SH2D6: variants seen among roughly 807,000 people sequenced by gnomAD.
SH2D6 encodes the protein SH2 domain containing 6, also known as SH2 domain-containing protein 6.
Under a neutral mutation model 30.2 loss-of-function variants are expected in SH2D6, and 31 were observed. The ratio of observed to expected loss-of-function variants is 1.03; its 90% CI spans 0.77 to 1.38. The LOEUF (loss-of-function observed/expected upper bound fraction) is 1.38. Ranked by LOEUF, SH2D6 falls within the 40% of genes most tolerant of loss-of-function variation. The probability of loss-of-function intolerance (pLI) is 0.00; values close to 1 mark genes in which losing one functional copy is unlikely to be tolerated. For missense variants in SH2D6, 240 were observed against 266.8 expected, an observed-to-expected ratio of 0.90 and a Z score of 0.70; for synonymous variants, 93 against 104.6, an observed-to-expected ratio of 0.89 and a Z score of 0.68.
rs766084212 is a variant in SH2D6, at chr2:85,433,613, G to A, written c.436G>A (p.Glu146Lys). The stretch of plus-strand genomic sequence containing the variant: ...GAAACCTGATGAGGACCTCTACTTG[G>A]AATGTGAGCCGGATCCAGGTGAGCC... ...PKKPDEDLYL[E>K]CEPDPVLALT... The change falls in exon 16 of 24, where the codon GAA becomes AAA. Residue 146 changes from glutamate to lysine, a missense_variant. Glu to Lys is a moderately conservative substitution (Grantham distance 56, BLOSUM62 1). Transcript: ENST00000469800. The A allele has an allele frequency of 9.9e-7, 1 of 1,013,036 alleles. No homozygotes were observed. The allele number at this position is 1,013,036 out of a possible 1,614,324, so 62.8% of individuals were successfully genotyped here.
intron 5 of SH2D6, among the ~76,000 whole-genome samples, chr2:85,422,957 G>A (rs1477997501): frequency 1.3e-5 from 2 of 152,088 alleles, no homozygotes; most frequent in African/African-American, 2.4e-5. Context: ...GCACGATCTC[G>A]GCTCACTGCA....
intron 6 of SH2D6, among the ~76,000 whole-genome samples, chr2:85,426,597 A>T (rs944036257): frequency 1.3e-5 from 2 of 152,212 alleles, no homozygotes; most frequent in African/African-American, 4.8e-5. Flanking sequence ...TGACCATGTG[A>T]GGCTCCTAGA....
intron 6 of SH2D6, among the ~76,000 whole-genome samples, chr2:85,427,325 C>T (rs1194343457): frequency 1.1e-4 from 17 of 152,236 alleles, no homozygotes; most frequent in Non-Finnish European, 1.5e-5. Context: ...ATGGTGTGCA[C>T]AGAGCAATTC....
At chr2:85,434,921 G>A in intron 19 of SH2D6, 144 bp from the exon 20 acceptor site, 1 of 1,597,030 alleles carries the variant, frequency 6.3e-7, no homozygotes. Flanking sequence ...GGAGAGTGGA[G>A]GAAGCACTGG....
chr2:85,423,526 C>T (rs1245180220), intron 5 of SH2D6, among the ~76,000 whole-genome samples: 1 of 152,216 alleles, frequency 6.6e-6, no homozygotes, highest in African/African-American at 2.4e-5. Context: ...AGCCACTGCA[C>T]CTGGCCAACA....
chr2:85,434,490 C>T lies in SH2D6; in HGVS notation c.582C>T (p.Ala194=), dbSNP rs1225633266. The change falls in exon 19 of 24, where the codon GCC becomes GCT. Residue 194 remains alanine, a synonymous_variant. Coordinates refer to ENST00000469800, the MANE Select transcript of SH2D6 (RefSeq NM_001394463.1). ...QETRNGTADA[A]SKEGRKSSLP... is the part of the protein sequence containing the mutation. ...TATGCCAGGGAACAGCAGATGCTGC[C>T]TCTAAAGGTGAGTAAAGGCTGGTCC... 1 of 1,550,414 alleles carries T rather than the reference C, an allele frequency of 6.4e-7. No homozygotes were observed.
At chr2:85,434,709 G>C in intron 19 of SH2D6, 2 of 1,417,190 alleles carry the variant, frequency 1.4e-6, no homozygotes, top group Non-Finnish European at 1.9e-6. Flanking sequence ...CAGCCCTGCA[G>C]GCCAGACTCC....
intron 2 of SH2D6, chr2:85,420,796 T>G (rs1194957888): frequency 2.0e-5 from 3 of 152,270 alleles, no homozygotes; most frequent in African/African-American, 7.2e-5. Flanking sequence ...GCCCAGGAAA[T>G]GAGCGACAGG....
chr2:85,434,872 C>T (rs1573250210), intron 19 of SH2D6, 193 bp from the exon 20 acceptor site: 10 of 1,537,016 alleles, frequency 6.5e-6, no homozygotes, highest in South Asian at 1.3e-5. Flanking sequence ...GGAGGTCACA[C>T]GAGGCCTGGC....
At chr2:85,426,946 G>A (rs780624943) in intron 6 of SH2D6, among the ~76,000 whole-genome samples, 1 of 152,228 alleles carries the variant, frequency 6.6e-6, no homozygotes, top group Non-Finnish European at 1.5e-5. Context: ...AATTGGGTTG[G>A]AGGACACCCC....
intron 6 of SH2D6, among the ~76,000 whole-genome samples, chr2:85,426,721 A>G (rs887626346): frequency 6.6e-6 from 1 of 152,228 alleles, no homozygotes; most frequent in Admixed American, 6.5e-5. Flanking sequence ...ACCAGTAAAC[A>G]TAAGTAAGTG....
rs528943895 is a variant in SH2D6 at position 85,429,746 on chromosome 2, G to A, written c.29+134G>A. ...CTCTGCCCAGGGAGACCATTCACGC[G>A]CCTCCACTTCCTGTCAGCACTAGGG... On this transcript the variant is annotated intron_variant, in intron 9 of 23. Coordinates refer to ENST00000469800, the MANE Select transcript of SH2D6 (RefSeq NM_001394463.1). The A allele has an allele frequency of 4.3e-4, 66 of 152,834 alleles. 1 individual carries two copies. Among genetic ancestry groups the A allele is most frequent in the Non-Finnish European group, 2.1e-4 (14 of 68,236 alleles). 9.5% of individuals were successfully genotyped at this position (152,834 alleles called of 1,614,324 possible). A position where few individuals can be genotyped will look rare whatever the true frequency, so the allele number is the denominator to read the frequency against.
chr2:85,420,481 G>A (rs1042191948), intron 2 of SH2D6, among the ~76,000 whole-genome samples: 1 of 152,174 alleles, frequency 6.6e-6, no homozygotes, highest in Admixed American at 6.5e-5. Context: ...GCATTCCAGG[G>A]CTTCGCACCA....
chr2:85,432,394 G>T (rs180773782), intron 14 of SH2D6, among the ~76,000 whole-genome samples: 7 of 150,140 alleles, frequency 4.7e-5, no homozygotes, highest in African/African-American at 7.4e-5. Flanking sequence ...TATTTTTTTT[G>T]TTTTGTTTTG....
chr2:85,426,510 T>G (rs553120855), intron 6 of SH2D6, among the ~76,000 whole-genome samples: 1 of 152,256 alleles, frequency 6.6e-6, no homozygotes, highest in South Asian at 2.1e-4. Context: ...TGCCCCATAC[T>G]CTGGGAGAAG....
chr2:85,433,188 T>A (rs1355702743), intron 15 of SH2D6, 67 bp downstream of exon 15: 1 of 937,156 alleles, frequency 1.1e-6, no homozygotes, highest in Non-Finnish European at 1.3e-6. Context: ...AGGGGTGGGG[T>A]GGGGCCTAGG....
rs1436872300 is a variant in SH2D6 at position 85,430,774 on chromosome 2, A to T, written c.250+122A>T. On this transcript the variant is annotated intron_variant, in intron 12 of 23. Coordinates refer to ENST00000469800, the MANE Select transcript of SH2D6 (RefSeq NM_001394463.1). The surrounding 1 kb of genome is among the most constrained non-coding windows in gnomAD (Gnocchi z 4.3). Reference sequence around the variant, plus strand: ...CCTGCCCGCACTAAGGCAGCAAAGGAGGCCTCAGCTGGCAGTCACCAGGGC... The same window carrying T: ...CCTGCCCGCACTAAGGCAGCAAAGGTGGCCTCAGCTGGCAGTCACCAGGGC... 1 of 136,724 alleles carries T rather than the reference A, an allele frequency of 7.3e-6. No homozygotes were observed. Among genetic ancestry groups the T allele is most frequent in the African/African-American group, 2.7e-5 (1 of 36,924 alleles). 8.5% of individuals were successfully genotyped at this position (136,724 alleles called of 1,614,324 possible).
At chr2:85,425,698 C>T (rs993291263) in intron 6 of SH2D6, among the ~76,000 whole-genome samples, 1 of 152,220 alleles carries the variant, frequency 6.6e-6, no homozygotes, top group Admixed American at 6.5e-5. Context: ...GGAATAATGT[C>T]CCAAAGGTCA....
chr2:85,433,078 G>T, intron 14 of SH2D6, 21 bp from the exon 15 acceptor site: 1 of 985,946 alleles, frequency 1.0e-6, no homozygotes, highest in Non-Finnish European at 1.2e-6. Context: ...ATGACAGGTG[G>T]TTCTCTCCTT....
Sources: allele counts gnomAD v4.1 joint callset (sites outside exome capture counted in the v4.1 genomes callset), GRCh38; gene constraint gnomAD v4.1.1; non-coding constraint Gnocchi (gnomAD v3.1); transcripts MANE v1.5; gene names NCBI Gene and HGNC (gene_info 2026-07-23, HGNC 2026-07-21).